Variants in CCDC192 observed in about 807,000 individuals in gnomAD.
CCDC192 encodes the protein coiled-coil domain containing 192.
At chr5:127,703,059 A>T (rs1055938236), upstream of CCDC192, among the ~76,000 whole-genome samples, 1 of 152,156 alleles carries the variant, frequency 6.6e-6, no homozygotes, top group African/African-American at 2.4e-5. Context: ...ATTGCCTGTA[A>T]ACCAATGCAT....
chr5:127,892,568 G>A (rs1260237089), intron 6 of CCDC192, among the ~76,000 whole-genome samples: 1 of 152,176 alleles, frequency 6.6e-6, no homozygotes. Flanking sequence ...AGGTATGTAG[G>A]TGATGTGGAA....
chr5:127,918,471 T>C (rs779736703), intron 6 of CCDC192, among the ~76,000 whole-genome samples: 51 of 152,146 alleles, frequency 3.4e-4, no homozygotes, highest in Non-Finnish European at 5.4e-4. Flanking sequence ...TTTTTAGTCA[T>C]TGTTTTATCC....
rs375456781 is a variant in CCDC192 at position 127,792,437 on chromosome 5, C to T, written c.223-4666C>T. Among the ~76,000 whole-genome samples the T allele has an allele frequency of 2.0e-5, 3 of 151,866 alleles. No individual in the cohort carries two copies. The East Asian group carries it at 5.8e-4, about 29-fold the overall frequency. ...CATCCCATGATTCAATTACCTCCCA[C>T]AGGGTGCCTCCAATGACATGTGGAT... On this transcript the variant is annotated intron_variant, in intron 3 of 6. Coordinates refer to ENST00000514853, the MANE Select transcript of CCDC192 (RefSeq NM_001317938.2).
At chr5:127,801,397 G>A (rs1027477791) in intron 5 of CCDC192, among the ~76,000 whole-genome samples, 2 of 151,966 alleles carry the variant, frequency 1.3e-5, no homozygotes, top group Non-Finnish European at 2.9e-5. Context: ...ACCTCTATAA[G>A]AGTCTCCTGG....
At chr5:127,737,639 G>C (rs1289294711) in intron 2 of CCDC192, among the ~76,000 whole-genome samples, 1 of 151,810 alleles carries the variant, frequency 6.6e-6, no homozygotes, top group African/African-American at 2.4e-5. Context: ...ATATATTTAG[G>C]GTAGTTAGCT....
At chr5:127,707,570 C>T in intron 1 of CCDC192, 139 bp from the exon 2 acceptor site, 1 of 379,032 alleles carries the variant, frequency 2.6e-6, no homozygotes, top group Non-Finnish European at 4.7e-6. Flanking sequence ...CAGAAATTGA[C>T]ATTTGGAGGA....
intron 6 of CCDC192, among the ~76,000 whole-genome samples, chr5:127,887,322 C>G (rs1020484220): frequency 1.1e-5 from 1 of 90,644 alleles, no homozygotes; most frequent in Non-Finnish European, 2.1e-5. Context: ...GAGAGAGACT[C>G]TGTCTCAAAA....
chr5:127,800,472 C>CATGTA (rs1757450049), intron 5 of CCDC192, among the ~76,000 whole-genome samples: 1 of 149,714 alleles, frequency 6.7e-6, no homozygotes, highest in African/African-American at 2.5e-5. Flanking sequence ...AAGAGTTATC[C>CATGTA]ATGTACAAAC....
intron 2 of CCDC192, among the ~76,000 whole-genome samples, chr5:127,744,297 G>A (rs1237870153): frequency 1.3e-5 from 2 of 151,706 alleles, no homozygotes; most frequent in Non-Finnish European, 2.9e-5. Flanking sequence ...GGAAAGACTT[G>A]AATCTGCATG....
At chr5:127,823,584 C>G (rs1384599971) in intron 5 of CCDC192, among the ~76,000 whole-genome samples, 1 of 152,154 alleles carries the variant, frequency 6.6e-6, no homozygotes, top group East Asian at 1.9e-4. Context: ...CTGTGCCAGC[C>G]AATAAATTTC....
Position 127,846,243 on chromosome 5 carries a change from C to T in CCDC192, c.412-29295C>T, listed in dbSNP as rs530845640. Among the ~76,000 whole-genome samples, 33 of 149,146 alleles carry T rather than the reference C, an allele frequency of 2.2e-4. 1 individual carries two copies. The South Asian group carries it at 3.6e-3, about 16-fold the overall frequency. ...GGCGGAGGTTGCAGTGAGCCAAGATCGTGCCACTGCACTCCAGCCTGGGCG... is the reference window on the plus strand; with the variant it reads ...GGCGGAGGTTGCAGTGAGCCAAGATTGTGCCACTGCACTCCAGCCTGGGCG... On this transcript the variant is annotated intron_variant, in intron 5 of 6. Transcript: ENST00000514853.
intron 2 of CCDC192, among the ~76,000 whole-genome samples, chr5:127,744,197 T>C (rs1158876752): frequency 2.0e-5 from 3 of 149,594 alleles, no homozygotes; most frequent in Non-Finnish European, 4.4e-5. Context: ...ATTCTGATCA[T>C]GAAAGGGGAG....
intron 6 of CCDC192, among the ~76,000 whole-genome samples, chr5:127,938,968 G>T (rs960656457): frequency 6.6e-6 from 1 of 152,184 alleles, no homozygotes. Flanking sequence ...CAGGAGATGA[G>T]GAAGGCCTCC....
At chr5:127,747,151 A>G (rs1030934484) in intron 2 of CCDC192, among the ~76,000 whole-genome samples, 1 of 150,556 alleles carries the variant, frequency 6.6e-6, no homozygotes, top group African/African-American at 2.5e-5. Flanking sequence ...ACATGTGCAC[A>G]TTGTGCAGGT....
intron 6 of CCDC192, among the ~76,000 whole-genome samples, chr5:127,925,224 A>G (rs1452527624): frequency 6.6e-6 from 1 of 152,226 alleles, no homozygotes; most frequent in African/African-American, 2.4e-5. Flanking sequence ...TGGAAAAAAC[A>G]CCTATGAAAA....
chr5:127,808,845 G>A (rs1185856367), intron 5 of CCDC192, among the ~76,000 whole-genome samples: 2 of 152,172 alleles, frequency 1.3e-5, no homozygotes, highest in Admixed American at 1.3e-4. Context: ...CACAGGAGGT[G>A]CTCAGTAAAT....
At chr5:127,814,974 A>G (rs1748930226) in intron 5 of CCDC192, among the ~76,000 whole-genome samples, 2 of 152,192 alleles carry the variant, frequency 1.3e-5, no homozygotes, top group South Asian at 4.2e-4. Flanking sequence ...TTTTCAAGAC[A>G]GTATGTGTTG....
In CCDC192 at chr5:127,797,598, A is replaced by C. The variant is rs757204341; in HGVS notation, c.354+364A>C. On this transcript the variant is annotated intron_variant, in intron 4 of 6. Coordinates refer to ENST00000514853, the MANE Select transcript of CCDC192 (RefSeq NM_001317938.2). Reference sequence around the variant, plus strand: ...TCATAACATTTGGCATATGTTTTTTAATCAATTACTTTATAAGAAATGATT... The same window carrying C: ...TCATAACATTTGGCATATGTTTTTTCATCAATTACTTTATAAGAAATGATT... 1.3e-3 allele frequency among the ~76,000 whole-genome samples: 194 copies of C among 151,512 alleles called. 1 individual carries two copies. Among genetic ancestry groups the C allele is most frequent in the Non-Finnish European group, 2.1e-3 (143 of 67,852 alleles).
chr5:127,931,150 G>A (rs1185782148), intron 6 of CCDC192, among the ~76,000 whole-genome samples: 1 of 152,074 alleles, frequency 6.6e-6, no homozygotes, highest in African/African-American at 2.4e-5. Context: ...GGGAGTCACT[G>A]TGCTTCCAAC....
Sources: gnomAD v4.1 joint callset for allele counts (sites outside exome capture counted in the v4.1 genomes callset) on GRCh38, gnomAD v4.1.1 for gene constraint, MANE v1.5 for transcripts, NCBI Gene and HGNC (gene_info 2026-07-23, HGNC 2026-07-21) for gene names.